PGM3: variants seen among roughly 807,000 people sequenced by gnomAD.
PGM3 encodes the protein phosphoglucomutase 3, also known as phosphoacetylglucosamine mutase.
A neutral mutation model predicts 66.2 loss-of-function variants in PGM3; 40 were observed. The observed-to-expected ratio is 0.60, with a 90% CI of 0.47 to 0.79. The LOEUF (loss-of-function observed/expected upper bound fraction) is 0.79, where lower values mean the gene tolerates loss of function less well. Among genes scored for constraint, PGM3 ranks in the 30% least tolerant of loss-of-function variants. The pLI is 0.00. For missense variants in PGM3, 537 were observed against 643.4 expected (o/e 0.83, Z 1.79); for synonymous variants, 191 against 224.2 (o/e 0.85, Z 1.32).
At chr6:83,172,597 T>G (rs1052062886) in intron 10 of PGM3, among the ~76,000 whole-genome samples, 2 of 151,514 alleles carry the variant, frequency 1.3e-5, no homozygotes, top group African/African-American at 4.9e-5. Flanking sequence ...AGGCAGAGGT[T>G]GCAGTGAGCC....
chr6:83,156,485 C>G (rs1187167738), downstream of PGM3, among the ~76,000 whole-genome samples: 4 of 152,130 alleles, frequency 2.6e-5, no homozygotes, highest in Non-Finnish European at 5.9e-5. Flanking sequence ...AGAAGTAACA[C>G]CTGGAGATCT....
At chr6:83,156,360 T>A (rs1186223845), downstream of PGM3, among the ~76,000 whole-genome samples, 1 of 152,200 alleles carries the variant, frequency 6.6e-6, no homozygotes, top group African/African-American at 2.4e-5. Context: ...TGTTTGAGGA[T>A]GAGGTATAAG....
intron 2 of PGM3, among the ~76,000 whole-genome samples, chr6:83,190,129 C>T (rs1007243466): frequency 2.6e-5 from 4 of 152,090 alleles, no homozygotes; most frequent in African/African-American, 9.7e-5. Flanking sequence ...GTATTCCCAC[C>T]ACAAAACAAG....
intron 8 of PGM3, among the ~76,000 whole-genome samples, chr6:83,177,431 C>G (rs1290497681): frequency 2.6e-5 from 4 of 151,830 alleles, no homozygotes; most frequent in African/African-American, 9.7e-5. Context: ...TCCCACCACC[C>G]CAGAAAACCT....
At chr6:83,191,361 T>C (rs1398858166) in intron 1 of PGM3, 2 of 768,196 alleles carry the variant, frequency 2.6e-6, no homozygotes, top group Non-Finnish European at 4.3e-6. Context: ...GAGACTCCAA[T>C]GAGCTCAAAG....
intron 1 of PGM3, among the ~76,000 whole-genome samples, chr6:83,192,912 AGG>A (rs1196845248): frequency 6.6e-6 from 1 of 152,046 alleles, no homozygotes; most frequent in African/African-American, 2.4e-5. Context: ...TCACCGCACA[AGG>A]GTGATTCCCG....
At position 83,190,855 on chromosome 6, in the gene PGM3, GTC is replaced by G; in HGVS notation, c.156_157del (p.Gln52HisfsTer16). The G allele has an allele frequency of 6.2e-7, 1 of 1,614,018 alleles. No individual in the cohort carries two copies. The highest frequency in any genetic ancestry group is 2.2e-5 in the East Asian group (1 of 44,846). ...TACCATGACTCCTATAGTGGATTTT[GTC>G]TGTTTTGACCTCAGGACAGCTAATA... On this transcript the variant is annotated frameshift_variant, in exon 2 of 13. Transcript: ENST00000513973. LOFTEE classifies it high-confidence loss of function.
At position 83,169,047 on chromosome 6, in the gene PGM3, C is replaced by A. The variant is rs1786494117; in HGVS notation, c.*187G>T. 5 of 1,374,866 alleles carry A rather than the reference C, an allele frequency of 3.6e-6. No homozygotes were observed. Among genetic ancestry groups the A allele is most frequent in the Non-Finnish European group, 4.7e-6 (5 of 1,065,034 alleles). The allele number at this position is 1,374,866 out of a possible 1,614,324, so 85.2% of individuals were successfully genotyped here. The stretch of plus-strand genomic sequence containing the variant: ...TGAAATTAGAGGTAAATTTCTTTAA[C>A]AAGTGTAAGGCTTACCTATTTATAA... On this transcript the variant is annotated 3_prime_UTR_variant, in exon 13 of 13. Transcript: ENST00000513973.
At chr6:83,184,537 C>A (rs929387034) in intron 4 of PGM3, among the ~76,000 whole-genome samples, 2 of 152,114 alleles carry the variant, frequency 1.3e-5, no homozygotes, top group African/African-American at 4.8e-5. Context: ...ATTTTGTGAC[C>A]AATATCAAAA....
At chr6:83,152,602 A>G in the PGM3 span, among the ~76,000 whole-genome samples, 2 of 142,728 alleles carry the variant, frequency 1.4e-5, no homozygotes, top group Non-Finnish European at 3.1e-5. Context: ...ATTCTTTTTT[A>G]TGTGTTTTTT....
chr6:83,193,239 G>T lies in PGM3; in HGVS notation c.-63C>A, dbSNP rs528729582. On this transcript the variant is annotated 5_prime_UTR_variant, in exon 1 of 13. Coordinates refer to ENST00000513973, the MANE Select transcript of PGM3 (RefSeq NM_015599.3). Reference sequence around the variant, plus strand: ...GAGAAGCGCCCAAGCAACAACGTCTGCACCCAAACCCAGTCCTCAGAACCG... The same window carrying T: ...GAGAAGCGCCCAAGCAACAACGTCTTCACCCAAACCCAGTCCTCAGAACCG... The T allele has an allele frequency of 6.1e-4, 93 of 152,502 alleles. No homozygotes were observed. The highest frequency in any genetic ancestry group is 1.5e-3 in the Admixed American group (23 of 15,306). 9.4% of individuals were successfully genotyped at this position (152,502 alleles called of 1,614,324 possible).
the PGM3 span, chr6:83,152,430 A>C: frequency 6.9e-6 from 5 of 721,340 alleles, no homozygotes; most frequent in South Asian, 1.6e-4. Flanking sequence ...AAAATTAGCA[A>C]GTAATTTTTA....
chr6:83,165,821 G>T lies in PGM3; in HGVS notation c.*3413C>A. Reference sequence around the variant, plus strand: ...GAAAAGAATTGGGCCCTTTCTGGTGGCCAATGCCGGCTGCAGGCATTGCAG... The same window carrying T: ...GAAAAGAATTGGGCCCTTTCTGGTGTCCAATGCCGGCTGCAGGCATTGCAG... On this transcript the variant is annotated 3_prime_UTR_variant, in exon 13 of 13. Coordinates refer to ENST00000513973, the MANE Select transcript of PGM3 (RefSeq NM_015599.3). 3.2e-6 allele frequency: 1 copy of T among 313,942 alleles called. No homozygotes were observed. The highest frequency in any genetic ancestry group is 2.9e-5 in the South Asian group (1 of 33,928). The allele number at this position is 313,942 out of a possible 1,614,324, so 19.4% of individuals were successfully genotyped here.
At chr6:83,186,391 A>G (rs1230039975) in intron 4 of PGM3, among the ~76,000 whole-genome samples, 2 of 152,164 alleles carry the variant, frequency 1.3e-5, no homozygotes, top group Non-Finnish European at 2.9e-5. Context: ...CAGGAAGGGA[A>G]CACAGTCGGA....
chr6:83,161,840 A>C (rs916255223), downstream of PGM3, among the ~76,000 whole-genome samples: 1 of 152,106 alleles, frequency 6.6e-6, no homozygotes, highest in Non-Finnish European at 1.5e-5. Context: ...TCCTGTCTCT[A>C]TATTCTCAGA....
upstream of PGM3, chr6:83,193,384 G>A (rs1250118659): frequency 6.6e-6 from 1 of 152,330 alleles, no homozygotes; most frequent in Non-Finnish European, 1.5e-5. Context: ...GGCGCCTGAG[G>A]AACTGCGGCT....
Position 83,168,730 on chromosome 6 carries a change from G to T in PGM3, c.*504C>A. On this transcript the variant is annotated 3_prime_UTR_variant, in exon 13 of 13. Coordinates refer to ENST00000513973, the MANE Select transcript of PGM3 (RefSeq NM_015599.3). ...TGGACAACCCCCTATTCATACCTCT[G>T]AGTTCCTGATGGCATTAGTCATATA... 4 of 997,386 alleles carry T rather than the reference G, an allele frequency of 4.0e-6. No individual in the cohort carries two copies. Among genetic ancestry groups the T allele is most frequent in the Non-Finnish European group, 1.2e-6 (1 of 836,666 alleles). 61.8% of individuals were successfully genotyped at this position (997,386 alleles called of 1,614,324 possible).
At chr6:83,153,333 A>G in the PGM3 span, 1 of 438,918 alleles carries the variant, frequency 2.3e-6, no homozygotes, top group Non-Finnish European at 4.0e-6. Context: ...TATAGTAACA[A>G]TGTACAAAAA....
downstream of PGM3, among the ~76,000 whole-genome samples, chr6:83,156,312 T>C (rs1050149414): frequency 6.6e-6 from 1 of 152,010 alleles, no homozygotes; most frequent in African/African-American, 2.4e-5. Flanking sequence ...AAATGTGGTC[T>C]CTATTTTATT....
Sources: allele counts gnomAD v4.1 joint callset (sites outside exome capture counted in the v4.1 genomes callset), GRCh38; gene constraint gnomAD v4.1.1; transcripts MANE v1.5; gene names NCBI Gene and HGNC (gene_info 2026-07-23, HGNC 2026-07-21).